The following EPB41L3 variants were observed in gnomAD, a reference collection of about 807,000 sequenced individuals.
The protein encoded by EPB41L3 is band 4.1-like protein 3.
Under a neutral mutation model 127.1 loss-of-function variants are expected in EPB41L3, and 57 were observed. That is an observed-to-expected ratio of 0.45 (90% CI 0.36 to 0.56). EPB41L3 has a LOEUF of 0.56. Ranked by LOEUF, EPB41L3 falls within the 20% of genes least tolerant of loss-of-function variation. The pLI is 0.00. For missense variants in EPB41L3, 1,273 were observed against 1,372.2 expected (o/e 0.93, Z 1.14); for synonymous variants, 572 against 549.5 (o/e 1.04, Z -0.57).
chr18:5,581,472 TGTAA>T (rs1281598254), intron 3 of EPB41L3, among the ~76,000 whole-genome samples: 1 of 152,202 alleles, frequency 6.6e-6, no homozygotes, highest in Non-Finnish European at 1.5e-5. Flanking sequence ...TTTTTGTTTA[TGTAA>T]GTAAGTAGGA....
intron 3 of EPB41L3, among the ~76,000 whole-genome samples, chr18:5,469,326 G>A (rs1268542920): frequency 2.0e-5 from 3 of 152,164 alleles, no homozygotes; most frequent in East Asian, 3.9e-4. Context: ...CGTTCCCCTT[G>A]TCCAGACATG....
intron 2 of EPB41L3, among the ~76,000 whole-genome samples, chr18:5,484,975 C>T (rs937087809): frequency 1.3e-5 from 2 of 151,702 alleles, no homozygotes; most frequent in Non-Finnish European, 2.9e-5. Context: ...GGAATACTTC[C>T]AAACTCATGC....
At chr18:5,485,845 A>G (rs1388572862) in intron 2 of EPB41L3, among the ~76,000 whole-genome samples, 1 of 152,106 alleles carries the variant, frequency 6.6e-6, no homozygotes, top group Non-Finnish European at 1.5e-5. Context: ...AAGAGAATGC[A>G]AAAAATGGAA....
At chr18:5,549,622 ATCAT>A (rs1272483131) in intron 3 of EPB41L3, among the ~76,000 whole-genome samples, 1 of 152,220 alleles carries the variant, frequency 6.6e-6, no homozygotes, top group African/African-American at 2.4e-5. Flanking sequence ...TGATATCAGA[ATCAT>A]TCAAAGTACT....
intron 3 of EPB41L3, chr18:5,577,270 T>C (rs1335157651): frequency 2.4e-6 from 1 of 422,938 alleles, no homozygotes; most frequent in African/African-American, 2.1e-5. Flanking sequence ...AGAGTTATAA[T>C]CACTAACAAT....
intron 14 of EPB41L3, among the ~76,000 whole-genome samples, chr18:5,408,337 G>A (rs1428256987): frequency 2.0e-5 from 3 of 146,650 alleles, no homozygotes; most frequent in Admixed American, 1.4e-4. Context: ...GCAATGGCGT[G>A]ATCTCGGCTC....
At chr18:5,444,400 G>A (rs1368192484) in intron 4 of EPB41L3, among the ~76,000 whole-genome samples, 1 of 152,166 alleles carries the variant, frequency 6.6e-6, no homozygotes, top group Non-Finnish European at 1.5e-5. Context: ...ATTGTCTGGA[G>A]AATTCAGGAG....
intron 6 of EPB41L3, among the ~76,000 whole-genome samples, chr18:5,437,449 T>C (rs2080027071): frequency 6.6e-6 from 1 of 152,188 alleles, no homozygotes; most frequent in South Asian, 2.1e-4. Flanking sequence ...TTTATAGTAT[T>C]TTGTTACAGC....
At chr18:5,494,667 C>T (rs377145117) in intron 1 of EPB41L3, among the ~76,000 whole-genome samples, 2 of 143,674 alleles carry the variant, frequency 1.4e-5, no homozygotes, top group East Asian at 2.1e-4. Context: ...ACCCTCCCCC[C>T]ACCCAAAAAA....
At chr18:5,404,423 A>G (rs1463555839) in intron 16 of EPB41L3, among the ~76,000 whole-genome samples, 1 of 152,192 alleles carries the variant, frequency 6.6e-6, no homozygotes, top group Non-Finnish European at 1.5e-5. Context: ...CTGCTTTGCC[A>G]TTCTGCAGAG....
intron 1 of EPB41L3, chr18:5,529,101 C>T (rs1226961158): frequency 6.6e-6 from 1 of 152,106 alleles, no homozygotes; most frequent in Non-Finnish European, 1.5e-5. Flanking sequence ...GGCACTGCTC[C>T]GAAACGACAC....
chr18:5,509,788 C>T, intron 1 of EPB41L3, among the ~76,000 whole-genome samples: 1 of 152,072 alleles, frequency 6.6e-6, no homozygotes, highest in Non-Finnish European at 1.5e-5. Context: ...GTGCTAGGTC[C>T]CAAGGATAGG....
chr18:5,460,371 C>A (rs150536694), intron 3 of EPB41L3, among the ~76,000 whole-genome samples: 1 of 152,246 alleles, frequency 6.6e-6, no homozygotes, highest in East Asian at 1.9e-4. Flanking sequence ...AGGGAAGGAA[C>A]TAGGAAGTCC....
At position 5,428,379 on chromosome 18, in the gene EPB41L3, G is replaced by A; in HGVS notation, c.999C>T (p.Ala333=). Residue 333 remains alanine, a synonymous_variant, in exon 9 of 23, where the codon GCC becomes GCT. Coordinates refer to ENST00000341928, the MANE Select transcript of EPB41L3 (RefSeq NM_012307.5). ...ATGAAATCTTTAGAACCTTGGGCCAGGCAAATCTGTTTATTCGCAGCCGGT... is the reference window on the plus strand; with the variant it reads ...ATGAAATCTTTAGAACCTTGGGCCAAGCAAATCTGTTTATTCGCAGCCGGT... ...YRDRLRINRF[A]WPKVLKISYK... is the part of the protein sequence containing the mutation. The A allele has an allele frequency of 6.2e-7, 1 of 1,614,160 alleles. No individual in the cohort carries two copies. Among genetic ancestry groups the A allele is most frequent in the Non-Finnish European group, 8.5e-7 (1 of 1,180,038 alleles).
chr18:5,585,040 A>C (rs1181438092), intron 3 of EPB41L3, among the ~76,000 whole-genome samples: 1 of 152,186 alleles, frequency 6.6e-6, no homozygotes, highest in Non-Finnish European at 1.5e-5. Context: ...CCCTTCAGGA[A>C]TTGTCTGATA....
In EPB41L3 at chr18:5,415,871, C is replaced by G. The variant is rs780565414; in HGVS notation, c.2014G>C (p.Ala672Pro). 1.2e-6 allele frequency: 2 copies of G among 1,613,618 alleles called. No homozygotes were observed. The highest frequency in any genetic ancestry group is 2.2e-5 in the East Asian group (1 of 44,878). ...LCLCYLEPKA[A>P]SLSASLDNDP... is the part of the protein sequence containing the mutation. ...TTGTCTAGGGAGGCGCTCAAGGAGG[C>G]CGCCTTGGGCTCCAGGTAGCAGAGG... Residue 672 changes from alanine (A) to proline (P), a missense_variant, in exon 13 of 23, where the codon GCC becomes CCC. By Grantham distance (27) the Ala-to-Pro change is conservative. Coordinates refer to ENST00000341928, the MANE Select transcript of EPB41L3 (RefSeq NM_012307.5).
chr18:5,600,086 T>C (rs1042998288), intron 3 of EPB41L3, among the ~76,000 whole-genome samples: 2 of 152,198 alleles, frequency 1.3e-5, no homozygotes, highest in African/African-American at 2.4e-5. Context: ...TATAAAAACT[T>C]TCAAAATGTA....
At chr18:5,487,358 A>G (rs936940970) in intron 2 of EPB41L3, among the ~76,000 whole-genome samples, 2 of 151,446 alleles carry the variant, frequency 1.3e-5, no homozygotes, top group Non-Finnish European at 2.9e-5. Context: ...AGGAGTGATG[A>G]AGGGAATTTT....
At chr18:5,501,556 AATTAATGGAATTTGGTTTTCCCCAC>A (rs1322428295) in intron 1 of EPB41L3, among the ~76,000 whole-genome samples, 14 of 152,140 alleles carry the variant, frequency 9.2e-5, no homozygotes, top group African/African-American at 2.9e-4. Context: ...CCCAAAGCCA[AATTAATGGAATTTGGTTTTCCCCAC>A]AGTTCTATAT....
Sources: allele counts gnomAD v4.1 joint callset (sites outside exome capture counted in the v4.1 genomes callset), GRCh38; gene constraint gnomAD v4.1.1; transcripts MANE v1.5; gene names NCBI Gene and HGNC (gene_info 2026-07-23, HGNC 2026-07-21).